Variants in SLC1A1 observed in about 807,000 individuals in gnomAD.
The protein encoded by SLC1A1 is excitatory amino acid transporter 3.
In SLC1A1, 43 loss-of-function variants were observed where a neutral mutation model predicts 53.3. That is an observed-to-expected ratio of 0.81 (90% CI 0.63 to 1.04). The LOEUF (loss-of-function observed/expected upper bound fraction) is 1.04. SLC1A1 is among the 50% of genes least tolerant of loss of function. The pLI is 0.00. For missense variants in SLC1A1, 748 were observed against 664.9 expected (o/e 1.12, Z -1.37); for synonymous variants, 307 against 243.2 (o/e 1.26, Z -2.44).
chr9:4,551,966 T>C lies in SLC1A1; in HGVS notation c.232+7259T>C, dbSNP rs1350330752. 3.3e-5 allele frequency among the ~76,000 whole-genome samples: 5 copies of C among 152,194 alleles called. No individual in the cohort carries two copies. In the East Asian group the frequency reaches 9.6e-4, roughly 29 times the overall value. ...TAATGAACATGCCATTTGCAAGTAA[T>C]AAAATGAATAGTGGCAAGAGATAAA... On this transcript the variant is annotated intron_variant, in intron 2 of 11. Transcript: ENST00000262352.
intron 7 of SLC1A1, among the ~76,000 whole-genome samples, chr9:4,573,050 C>T (rs1412320341): frequency 1.3e-5 from 2 of 152,188 alleles, no homozygotes; most frequent in Non-Finnish European, 2.9e-5. Context: ...TTCCCTATTG[C>T]ACCCCATGCA....
chr9:4,518,929 C>T (rs1815961610), intron 1 of SLC1A1, among the ~76,000 whole-genome samples: 1 of 152,194 alleles, frequency 6.6e-6, no homozygotes, highest in Non-Finnish European at 1.5e-5. Flanking sequence ...CCTTTATGCT[C>T]CATCCCAAAG....
chr9:4,513,324 C>T (rs1586701283), intron 1 of SLC1A1, among the ~76,000 whole-genome samples: 1 of 152,014 alleles, frequency 6.6e-6, no homozygotes, highest in South Asian at 2.1e-4. Context: ...AATTTGTATC[C>T]AGAATATATA....
intron 2 of SLC1A1, among the ~76,000 whole-genome samples, chr9:4,551,260 G>A (rs1011149493): frequency 6.6e-6 from 1 of 152,050 alleles, no homozygotes; most frequent in African/African-American, 2.4e-5. Flanking sequence ...AGGCAGCTGT[G>A]TATCTGGAAA....
chr9:4,551,610 T>C (rs1160476059), intron 2 of SLC1A1, among the ~76,000 whole-genome samples: 3 of 152,380 alleles, frequency 2.0e-5, no homozygotes, highest in South Asian at 2.1e-4. Context: ...TGCATTCTTT[T>C]CTTGAAACAT....
intron 6 of SLC1A1, among the ~76,000 whole-genome samples, chr9:4,570,511 C>T (rs1032038804): frequency 6.6e-6 from 1 of 151,852 alleles, no homozygotes; most frequent in Non-Finnish European, 1.5e-5. Context: ...GCTGGGATTA[C>T]AGGCACGTGC....
chr9:4,568,378 A>G (rs888915024), intron 6 of SLC1A1, among the ~76,000 whole-genome samples: 6 of 151,048 alleles, frequency 4.0e-5, no homozygotes, highest in African/African-American at 1.5e-4. Flanking sequence ...TGATTGAATC[A>G]TTGCACTTCA....
chr9:4,490,601 CGCCGAGCA>C lies in SLC1A1; in HGVS notation c.-75_-68del. ...CCTGTGCACCCGCATCTCGCCGCGC[CGCCGAGCA>C]GCCAGCAGTCCCCGGGTCGCCCAGC... On this transcript the variant is annotated 5_prime_UTR_variant, in exon 1 of 12. Transcript: ENST00000262352. The C allele has an allele frequency of 1.7e-6, 2 of 1,189,822 alleles. No homozygotes were observed. Among genetic ancestry groups the C allele is most frequent in the Non-Finnish European group, 2.5e-6 (2 of 815,318 alleles). 73.7% of individuals were successfully genotyped at this position (1,189,822 alleles called of 1,614,324 possible). A position where few individuals can be genotyped will look rare whatever the true frequency, so the allele number is the denominator to read the frequency against.
Position 4,555,537 on chromosome 9 carries a change from G to C in SLC1A1, c.233-5912G>C, listed in dbSNP as rs79475566. Among the ~76,000 whole-genome samples the C allele has an allele frequency of 2.2e-3, 329 of 152,316 alleles. 1 individual carries two copies. Among genetic ancestry groups the C allele is most frequent in the Non-Finnish European group, 3.4e-3 (233 of 68,026 alleles). ...TGGGAGCCAACACCCTTGCTCATCA[G>C]AGCCTTCTCCTGAGGTGAAAAAAGC... On this transcript the variant is annotated intron_variant, in intron 2 of 11. Coordinates refer to ENST00000262352, the MANE Select transcript of SLC1A1 (RefSeq NM_004170.6).
At chr9:4,559,861 C>G (rs1398944824) in intron 2 of SLC1A1, 2 of 152,152 alleles carry the variant, frequency 1.3e-5, no homozygotes, top group African/African-American at 2.4e-5. Context: ...TCAACTTGGC[C>G]CATTCCCCAC....
intron 6 of SLC1A1, among the ~76,000 whole-genome samples, chr9:4,571,817 G>A (rs986753562): frequency 2.0e-5 from 3 of 152,068 alleles, no homozygotes; most frequent in African/African-American, 7.3e-5. Context: ...TAAGTATTCT[G>A]TACTTCCTGC....
intron 1 of SLC1A1, among the ~76,000 whole-genome samples, chr9:4,502,531 A>G (rs1185256352): frequency 6.6e-6 from 1 of 151,254 alleles, no homozygotes; most frequent in Non-Finnish European, 1.5e-5. Context: ...ATTTACCACG[A>G]GTTTTATGTA....
chr9:4,562,966 TGTGGG>T (rs1408055455), intron 3 of SLC1A1, among the ~76,000 whole-genome samples: 6 of 84,768 alleles, frequency 7.1e-5, no homozygotes, highest in African/African-American at 2.9e-4. Context: ...TGGGGACTGT[TGTGGG>T]GTGGGGGGAG....
At chr9:4,550,403 G>T (rs762586897) in intron 2 of SLC1A1, among the ~76,000 whole-genome samples, 3 of 152,248 alleles carry the variant, frequency 2.0e-5, no homozygotes, top group East Asian at 1.9e-4. Context: ...GTTGGGAAAG[G>T]GTGGGAAGAC....
chr9:4,529,222 T>G (rs1367958062), intron 1 of SLC1A1, among the ~76,000 whole-genome samples: 1 of 152,140 alleles, frequency 6.6e-6, no homozygotes, highest in Non-Finnish European at 1.5e-5. Context: ...CCCACTGCCT[T>G]CAGGATCAGC....
At chr9:4,570,728 G>C (rs549965993) in intron 6 of SLC1A1, among the ~76,000 whole-genome samples, 1 of 152,086 alleles carries the variant, frequency 6.6e-6, no homozygotes, top group East Asian at 1.9e-4. Context: ...GTAAATCTCA[G>C]GCTATTTTTA....
At chr9:4,574,846 A>C (rs1247163927) in intron 8 of SLC1A1, among the ~76,000 whole-genome samples, 3 of 152,208 alleles carry the variant, frequency 2.0e-5, no homozygotes, top group Non-Finnish European at 4.4e-5. Flanking sequence ...GAGATTTCCA[A>C]CACAGCGCAT....
chr9:4,537,529 A>G lies in SLC1A1; in HGVS notation c.92-7038A>G, dbSNP rs200320612. The stretch of plus-strand genomic sequence containing the variant: ...AGCCGAGATTGCGCCACTGCAGTCC[A>G]CAGTCCGGCCTGGGCGACAGAGCGA... On this transcript the variant is annotated intron_variant, in intron 1 of 11. Transcript: ENST00000262352. 4.4e-3 allele frequency among the ~76,000 whole-genome samples: 484 copies of G among 108,998 alleles called. 111 individuals are homozygous for G. The highest frequency in any genetic ancestry group is 0.014 in the African/African-American group (382 of 27,796). The allele number at this position is 108,998 out of a possible 152,430, so 71.5% of individuals were successfully genotyped here.
chr9:4,559,024 G>A (rs4742006), intron 2 of SLC1A1, among the ~76,000 whole-genome samples: 36,272 of 152,042 alleles, frequency 0.24, 4,850 homozygotes, highest in East Asian at 0.46. Flanking sequence ...TACTTAGCAA[G>A]CTTACATATT....
Sources: allele counts gnomAD v4.1 joint callset (sites outside exome capture counted in the v4.1 genomes callset), GRCh38; gene constraint gnomAD v4.1.1; transcripts MANE v1.5; gene names NCBI Gene and HGNC (gene_info 2026-07-23, HGNC 2026-07-21).